Variants in DLG2 observed in about 807,000 individuals in gnomAD.
DLG2 encodes the protein discs large MAGUK scaffold protein 2, also known as disks large homolog 2.
DLG2 carries 45 observed loss-of-function variants against 132.5 expected under a neutral mutation model. The ratio of observed to expected loss-of-function variants is 0.34; its 90% CI spans 0.27 to 0.44. DLG2 has a LOEUF of 0.44. Among genes scored for constraint, DLG2 ranks in the 20% least tolerant of loss-of-function variants. The probability of loss-of-function intolerance (pLI) is 1.00; values close to 1 mark genes in which losing one functional copy is unlikely to be tolerated. For synonymous variants in DLG2, 424 were observed against 419.6 expected (o/e 1.01, Z -0.13); for missense variants, 1,045 against 1,196.9 (o/e 0.87, Z 1.87).
At chr11:83,928,767 A>G (rs2079519571) in intron 15 of DLG2, among the ~76,000 whole-genome samples, 2 of 152,156 alleles carry the variant, frequency 1.3e-5, no homozygotes, top group South Asian at 4.1e-4. Context: ...ATCTACCTCA[A>G]AAAATTATTG....
chr11:85,623,002 G>A (rs1453250312), intron 2 of DLG2, among the ~76,000 whole-genome samples: 1 of 147,066 alleles, frequency 6.8e-6, no homozygotes, highest in Non-Finnish European at 1.5e-5. Flanking sequence ...AGGTTCCAGT[G>A]AGCCGAGATC....
chr11:83,606,132 C>A (rs900991436), intron 19 of DLG2, among the ~76,000 whole-genome samples: 7 of 152,146 alleles, frequency 4.6e-5, no homozygotes, highest in Admixed American at 2.0e-4. Flanking sequence ...TCTTTTCATA[C>A]TTAAAAGATT....
intron 7 of DLG2, among the ~76,000 whole-genome samples, chr11:84,486,437 T>C (rs1230253772): frequency 1.3e-5 from 2 of 152,126 alleles, no homozygotes; most frequent in Admixed American, 1.3e-4. Context: ...CTAGGCCAAA[T>C]GAAGTTACTG....
intron 6 of DLG2, among the ~76,000 whole-genome samples, chr11:85,000,604 A>C (rs1303996608): frequency 6.6e-6 from 1 of 152,186 alleles, no homozygotes; most frequent in Non-Finnish European, 1.5e-5. Context: ...CCTATACTAC[A>C]TGCTTAATAT....
At chr11:84,986,090 T>C (rs1345363578) in intron 6 of DLG2, among the ~76,000 whole-genome samples, 1 of 145,098 alleles carries the variant, frequency 6.9e-6, no homozygotes, top group African/African-American at 2.5e-5. Context: ...ATAAAAATCC[T>C]AATAAGCCCA....
intron 11 of DLG2, among the ~76,000 whole-genome samples, chr11:83,999,818 G>A (rs1388680524): frequency 1.3e-5 from 2 of 151,482 alleles, no homozygotes; most frequent in East Asian, 1.9e-4. Flanking sequence ...AAGAATCAAA[G>A]CCAAAGTGCC....
At chr11:84,130,896 GA>G (rs977063036) in intron 9 of DLG2, among the ~76,000 whole-genome samples, 91 of 139,380 alleles carry the variant, frequency 6.5e-4, no homozygotes, top group East Asian at 1.0e-3. Context: ...CTCATACAGA[GA>G]AAAAAAAAAA....
At chr11:84,660,668 A>G (rs1167190722) in intron 6 of DLG2, among the ~76,000 whole-genome samples, 1 of 152,142 alleles carries the variant, frequency 6.6e-6, no homozygotes, top group African/African-American at 2.4e-5. Context: ...GAAAATCTAC[A>G]TCCCACACCA....
intron 22 of DLG2, among the ~76,000 whole-genome samples, chr11:83,475,850 A>G (rs760095387): frequency 2.6e-5 from 4 of 152,046 alleles, no homozygotes; most frequent in Non-Finnish European, 5.9e-5. Flanking sequence ...CTTCAAAATA[A>G]CAGCTGACAA....
intron 8 of DLG2, among the ~76,000 whole-genome samples, chr11:84,228,437 A>T (rs1341389684): frequency 6.6e-6 from 1 of 152,224 alleles, no homozygotes; most frequent in Non-Finnish European, 1.5e-5. Context: ...TTTAATCAGA[A>T]TTTTACTCCC....
intron 6 of DLG2, among the ~76,000 whole-genome samples, chr11:85,081,656 C>G (rs1023480413): frequency 2.0e-4 from 30 of 152,250 alleles, no homozygotes; most frequent in Non-Finnish European, 5.9e-5. Context: ...GTAGACTGCC[C>G]AAGGTCCAAT....
intron 4 of DLG2, among the ~76,000 whole-genome samples, chr11:85,191,158 G>GCA (rs531319092): frequency 1.5e-3 from 170 of 113,412 alleles, no homozygotes; most frequent in East Asian, 0.011. Context: ...GCGCGCGCAC[G>GCA]CGCGCACACA....
intron 3 of DLG2, among the ~76,000 whole-genome samples, chr11:85,355,809 T>C (rs1214858750): frequency 6.6e-6 from 1 of 152,206 alleles, no homozygotes; most frequent in Non-Finnish European, 1.5e-5. Flanking sequence ...CCCTGTTTGC[T>C]ATCCAAGACT....
intron 6 of DLG2, among the ~76,000 whole-genome samples, chr11:84,589,237 T>G (rs566286665): frequency 6.6e-6 from 1 of 152,146 alleles, no homozygotes; most frequent in African/African-American, 2.4e-5. Context: ...TCTGGAGAGA[T>G]AGCAAATCTG....
intron 3 of DLG2, among the ~76,000 whole-genome samples, chr11:85,313,158 A>G (rs993406573): frequency 6.6e-6 from 1 of 151,934 alleles, no homozygotes; most frequent in Non-Finnish European, 1.5e-5. Flanking sequence ...AAAAAAGGGG[A>G]AAAAACCTTT....
chr11:84,500,814 T>C (rs1053887431), intron 7 of DLG2, among the ~76,000 whole-genome samples: 1 of 152,210 alleles, frequency 6.6e-6, no homozygotes, highest in East Asian at 1.9e-4. Context: ...AATATTGAGA[T>C]CATGTCTCAT....
intron 18 of DLG2, among the ~76,000 whole-genome samples, chr11:83,767,095 C>T (rs2094175829): frequency 6.6e-6 from 1 of 152,172 alleles, no homozygotes; most frequent in East Asian, 1.9e-4. Flanking sequence ...CTTCTCATCT[C>T]AAGATCCTTA....
intron 3 of DLG2, among the ~76,000 whole-genome samples, chr11:85,511,941 C>A (rs1202546960): frequency 6.6e-6 from 1 of 151,994 alleles, no homozygotes; most frequent in Non-Finnish European, 1.5e-5. Flanking sequence ...GTATGTTGCC[C>A]AGGCTGGTAA....
At chr11:84,491,079 C>T (rs2099163866) in intron 7 of DLG2, among the ~76,000 whole-genome samples, 1 of 151,986 alleles carries the variant, frequency 6.6e-6, no homozygotes, top group African/African-American at 2.4e-5. Context: ...CACTCCCCAA[C>T]ATAAAATCTA....
Sources: allele counts gnomAD v4.1 joint callset (sites outside exome capture counted in the v4.1 genomes callset), GRCh38; gene constraint gnomAD v4.1.1; transcripts MANE v1.5; gene names NCBI Gene and HGNC (gene_info 2026-07-23, HGNC 2026-07-21).